Variants in HYLS1 observed in about 807,000 individuals in gnomAD.
HYLS1 encodes the protein centriolar and ciliogenesis-associated protein HYLS1.
In HYLS1, 25 loss-of-function variants were observed where a neutral mutation model predicts 29.4. The observed-to-expected ratio is 0.85, with a 90% CI of 0.62 to 1.19. The LOEUF is 1.19. Ranked by LOEUF, HYLS1 falls within the 50% of genes most tolerant of loss-of-function variation. The probability of loss-of-function intolerance (pLI) is 0.00; values close to 1 mark genes in which losing one functional copy is unlikely to be tolerated. For missense variants in HYLS1, 352 were observed against 365.1 expected (o/e 0.96, Z 0.29); for synonymous variants, 128 against 126.7 (o/e 1.01, Z -0.07).
chr11:125,898,377 C>T (rs776084247), intron 2 of HYLS1, among the ~76,000 whole-genome samples: 1 of 152,178 alleles, frequency 6.6e-6, no homozygotes, highest in Non-Finnish European at 1.5e-5. Flanking sequence ...TAGCTGGCAA[C>T]TGAAGATGCA....
intron 2 of HYLS1, 53 bp from the exon 3 acceptor site, chr11:125,899,291 T>C: frequency 7.4e-7 from 1 of 1,349,440 alleles, no homozygotes; most frequent in Non-Finnish European, 1.0e-6. Flanking sequence ...GAATGAGCAA[T>C]TTATGAGCTG....
At chr11:125,887,044 G>A (rs1367177296), upstream of HYLS1, 4 of 152,656 alleles carry the variant, frequency 2.6e-5, no homozygotes, top group Non-Finnish European at 4.4e-5. Context: ...AGTAACGTGG[G>A]AGGAGCTGTG....
At chr11:125,896,136 T>C (rs1944581255) in intron 2 of HYLS1, 3 of 1,614,236 alleles carry the variant, frequency 1.9e-6, no homozygotes, top group Admixed American at 3.3e-5. Context: ...ACGCTTAGTT[T>C]TTCCAGCTCC....
In HYLS1 at chr11:125,889,507, G is replaced by A. The variant is rs139617792; in HGVS notation, c.-76+1742G>A. Among the ~76,000 whole-genome samples, 265 of 152,192 alleles carry A rather than the reference G, an allele frequency of 1.7e-3. 1 individual carries two copies. The highest frequency in any genetic ancestry group is 4.2e-3 in the African/African-American group (173 of 41,518). ...CAAGCACTTTGGGAGGCGGAGGCGG[G>A]CGGATCACTTGAGATTGGGAGTTTG... On this transcript the variant is annotated intron_variant, in intron 1 of 2. Coordinates refer to ENST00000425380, the MANE Select transcript of HYLS1 (RefSeq NM_001134793.2).
chr11:125,899,611 A>G lies in HYLS1; in HGVS notation c.243A>G (p.Thr81=). ...TAGAAAGTAATGTCCCTTCAGAAAC[A>G]GTCTCTGAGGCCTCCCAAAGACTCC... The part of the protein sequence containing the change: ...PHVESNVPSE[T]VSEASQRLRK... The change falls in exon 3 of 3, where the codon ACA becomes ACG. Residue 81 remains threonine, a synonymous_variant. Coordinates refer to ENST00000425380, the MANE Select transcript of HYLS1 (RefSeq NM_001134793.2). 1 of 1,614,202 alleles carries G rather than the reference A, an allele frequency of 6.2e-7. No homozygotes were observed. Among genetic ancestry groups the G allele is most frequent in the Non-Finnish European group, 8.5e-7 (1 of 1,180,034 alleles).
rs1479246206 is a variant in HYLS1 at position 125,899,329 on chromosome 11, T to C, written c.-25-15T>C. 7.6e-6 allele frequency: 12 copies of C among 1,580,668 alleles called. No homozygotes were observed. The highest frequency in any genetic ancestry group is 1.0e-5 in the Non-Finnish European group (12 of 1,153,166). On this transcript the variant is annotated splice_polypyrimidine_tract_variant and intron_variant, in intron 2 of 2. Coordinates refer to ENST00000425380, the MANE Select transcript of HYLS1 (RefSeq NM_001134793.2). ...AATTTATTATCAGAAAACTGACCAA[T>C]GTTATCTCTTGCAGAAGGTCCTACA...
At chr11:125,895,259 C>G in intron 2 of HYLS1, 1 of 1,604,254 alleles carries the variant, frequency 6.2e-7, no homozygotes, top group Non-Finnish European at 8.5e-7. Context: ...TCTCTATATT[C>G]AGCAGCTCAT....
rs1201391268 is a variant in HYLS1 at position 125,899,900 on chromosome 11, G to T, written c.532G>T (p.Gly178Cys). The T allele has an allele frequency of 6.2e-7, 1 of 1,614,140 alleles. No individual in the cohort carries two copies. The highest frequency in any genetic ancestry group is 8.5e-7 in the Non-Finnish European group (1 of 1,180,022). Residue 178 changes from glycine to cysteine, a missense_variant, in exon 3 of 3, where the codon GGC becomes TGC. By Grantham distance (159) the Gly-to-Cys change is radical (BLOSUM62 -3). Transcript: ENST00000425380. ...LICSLQREGM[G>C]SPAYEQDLIV... is the part of the protein sequence containing the mutation. ...TTGCTCTCTACAAAGAGAAGGAATG[G>T]GCTCTCCAGCTTACGAACAAGACCT...
intron 2 of HYLS1, chr11:125,893,600 G>C (rs185978919): frequency 5.8e-6 from 3 of 518,792 alleles, no homozygotes; most frequent in Non-Finnish European, 9.9e-6. Flanking sequence ...ACCGGGATAA[G>C]AGAATATTTG....
chr11:125,885,450 CA>C (rs541676618), upstream of HYLS1, among the ~76,000 whole-genome samples: 5 of 147,750 alleles, frequency 3.4e-5, no homozygotes, highest in East Asian at 1.0e-3. Context: ...GACTCTGTCT[CA>C]AAAAAAATTA....
intron 2 of HYLS1, chr11:125,894,303 A>G: frequency 6.4e-7 from 1 of 1,573,872 alleles, no homozygotes. Context: ...AAAAAGAGAA[A>G]AGAAAGTTTG....
intron 1 of HYLS1, among the ~76,000 whole-genome samples, chr11:125,891,218 A>G (rs766286826): frequency 3.4e-4 from 51 of 152,192 alleles, no homozygotes; most frequent in Admixed American, 3.9e-4. Flanking sequence ...ACTACCAAAA[A>G]TGTAGTCACT....
intron 1 of HYLS1, among the ~76,000 whole-genome samples, chr11:125,888,848 A>T (rs949574872): frequency 6.6e-6 from 1 of 152,062 alleles, no homozygotes; most frequent in African/African-American, 2.4e-5. Flanking sequence ...TCATAATCCA[A>T]TTCCAGGAGT....
At chr11:125,894,959 A>G (rs1944529321) in intron 2 of HYLS1, among the ~76,000 whole-genome samples, 1 of 152,342 alleles carries the variant, frequency 6.6e-6, no homozygotes, top group East Asian at 1.9e-4. Context: ...ACATGTTCAT[A>G]ACATTCTACA....
rs141661676 is a variant in HYLS1 at position 125,894,501 on chromosome 11, A to G, written c.-26+3029A>G. On this transcript the variant is annotated intron_variant, in intron 2 of 2. Transcript: ENST00000425380. ...AACAAATCATAGATCAACCTGATCT[A>G]TGTAAGGTAAATGTCAGTGCTAACA... Among the ~76,000 whole-genome samples the G allele has an allele frequency of 1.2e-4, 18 of 152,318 alleles. 1 individual carries two copies. The East Asian group carries it at 3.1e-3, about 26-fold the overall frequency.
intron 2 of HYLS1, chr11:125,894,370 G>A (rs1416397239): frequency 1.7e-6 from 2 of 1,151,798 alleles, no homozygotes; most frequent in Admixed American, 4.4e-5. Flanking sequence ...GTTGCGTTAA[G>A]GGAGCCGGGT....
chr11:125,900,516 T>C lies in HYLS1; in HGVS notation c.*248T>C. 1 of 496,616 alleles carries C rather than the reference T, an allele frequency of 2.0e-6. No homozygotes were observed. Among genetic ancestry groups the C allele is most frequent in the Non-Finnish European group, 3.7e-6 (1 of 267,188 alleles). 30.8% of individuals were successfully genotyped at this position (496,616 alleles called of 1,614,324 possible). On this transcript the variant is annotated 3_prime_UTR_variant, in exon 3 of 3. Coordinates refer to ENST00000425380, the MANE Select transcript of HYLS1 (RefSeq NM_001134793.2). ...GAACAACAGACCTGGTCTTTCTATT[T>C]TGTCAAATTAGTAAGGGCCCTTTGT...
chr11:125,896,405 T>A, intron 2 of HYLS1: 1 of 981,962 alleles, frequency 1.0e-6, no homozygotes, highest in Non-Finnish European at 1.5e-6. Context: ...ATATAAGATT[T>A]AATTTAATGC....
intron 1 of HYLS1, among the ~76,000 whole-genome samples, chr11:125,889,994 A>G (rs978021514): frequency 6.6e-6 from 1 of 152,188 alleles, no homozygotes; most frequent in Non-Finnish European, 1.5e-5. Flanking sequence ...GCTGGAGTGC[A>G]GTGGCCAGAT....
Sources: allele counts gnomAD v4.1 joint callset (sites outside exome capture counted in the v4.1 genomes callset), GRCh38; gene constraint gnomAD v4.1.1; transcripts MANE v1.5; gene names NCBI Gene and HGNC (gene_info 2026-07-23, HGNC 2026-07-21).